The following MROH9 variants were observed in gnomAD, a reference collection of about 807,000 sequenced individuals.
The protein encoded by MROH9 is maestro heat-like repeat-containing protein family member 9.
In MROH9, 92 loss-of-function variants were observed where a neutral mutation model predicts 98.2. The ratio of observed to expected loss-of-function variants is 0.94; its 90% CI spans 0.79 to 1.11. The LOEUF (loss-of-function observed/expected upper bound fraction) is 1.11. MROH9 is among the 50% of genes most tolerant of loss of function. MROH9 has a pLI of 0.00. For synonymous variants in MROH9, 397 were observed against 368.9 expected, an observed-to-expected ratio of 1.08 and a Z score of -0.87; for missense variants, 1,057 against 1,014.8, an observed-to-expected ratio of 1.04 and a Z score of -0.57.
rs147638290 is a variant in MROH9 at position 170,980,453 on chromosome 1, G to A, written c.617-2969G>A. ...ACCAATGCAACATAACAGAGACATC[G>A]GAAATAACACCACACATCTACAACT... On this transcript the variant is annotated intron_variant, in intron 8 of 21. Coordinates refer to ENST00000367759, the MANE Select transcript of MROH9 (RefSeq NM_001163629.2). Among the ~76,000 whole-genome samples the A allele has an allele frequency of 2.6e-3, 402 of 151,962 alleles. 3 individuals carry two copies. Among genetic ancestry groups the A allele is most frequent in the African/African-American group, 9.0e-3 (373 of 41,476 alleles).
chr1:171,011,594 A>G (rs532930631), intron 15 of MROH9, among the ~76,000 whole-genome samples: 31 of 152,324 alleles, frequency 2.0e-4, no homozygotes, highest in Middle Eastern at 3.4e-3. Context: ...GGCTATTAAA[A>G]TCACCAAGAA....
Position 170,992,220 on chromosome 1 carries a change from T to G in MROH9, c.1085T>G (p.Val362Gly). Reference protein sequence around the residue: ...ACSQASVAPHVLKTILLILKG... With the variant: ...ACSQASVAPHGLKTILLILKG... ...TCTCAGGCGAGCGTGGCCCCTCACG[T>G]GCTGAAGACAATCTTATTGATACTG... The change falls in exon 12 of 22, where the codon GTG (valine) becomes GGG (glycine). Residue 362 changes from valine (V) to glycine (G), a missense_variant. Val to Gly is a moderately radical substitution (Grantham distance 109). Coordinates refer to ENST00000367759, the MANE Select transcript of MROH9 (RefSeq NM_001163629.2). 6.2e-7 allele frequency: 1 copy of G among 1,613,476 alleles called. No homozygotes were observed. Among genetic ancestry groups the G allele is most frequent in the South Asian group, 1.1e-5 (1 of 91,034 alleles).
chr1:171,013,778 C>T (rs906562527), intron 15 of MROH9, among the ~76,000 whole-genome samples: 1 of 152,024 alleles, frequency 6.6e-6, no homozygotes, highest in Non-Finnish European at 1.5e-5. Context: ...TAGACATACA[C>T]TGTGAAGAAA....
chr1:171,010,537 T>C (rs1652114855), intron 15 of MROH9, among the ~76,000 whole-genome samples: 1 of 152,170 alleles, frequency 6.6e-6, no homozygotes, highest in African/African-American at 2.4e-5. Flanking sequence ...TTGAACTAAT[T>C]TATACTCCCA....
intron 15 of MROH9, among the ~76,000 whole-genome samples, chr1:171,012,215 T>G (rs1265481930): frequency 1.3e-5 from 2 of 151,384 alleles, no homozygotes; most frequent in African/African-American, 2.4e-5. Flanking sequence ...GACTTTCTTG[T>G]TTTTTTATTT....
In MROH9 at chr1:171,025,339, A is replaced by G. The variant is rs933323024; in HGVS notation, c.2200A>G (p.Ile734Val). The G allele has an allele frequency of 3.9e-6, 6 of 1,547,174 alleles. No individual in the cohort carries two copies. In the Admixed American group the frequency reaches 5.9e-5, roughly 15 times the overall value. Reference protein sequence around the residue: ...NNLIISHRNYITDLTSDTLRF... With the variant: ...NNLIISHRNYVTDLTSDTLRF... ...TCAGATTATTTCTCATAGGAACTAC[A>G]TTACAGATTTGACATCTGATACCTT... Residue 734 changes from isoleucine to valine, a missense_variant, in exon 20 of 22, where the codon ATT becomes GTT. Coordinates refer to ENST00000367759, the MANE Select transcript of MROH9 (RefSeq NM_001163629.2).
chr1:170,986,446 A>G, intron 9 of MROH9, 115 bp from the exon 10 acceptor site: 6 of 998,666 alleles, frequency 6.0e-6, no homozygotes, highest in Non-Finnish European at 8.8e-6. Flanking sequence ...TATATGGCCC[A>G]CGGAAGACTT....
intron 16 of MROH9, 58 bp downstream of exon 16, chr1:171,014,312 A>T: frequency 6.8e-7 from 1 of 1,475,304 alleles, no homozygotes; most frequent in Non-Finnish European, 9.2e-7. Context: ...TGAGATTTTG[A>T]TGTCACTTAA....
At chr1:170,970,055 G>T (rs528476641) in intron 7 of MROH9, among the ~76,000 whole-genome samples, 1 of 152,028 alleles carries the variant, frequency 6.6e-6, no homozygotes. Context: ...GTCTAGGCAC[G>T]ACCACACATA....
chr1:171,009,991 C>A (rs537242457), intron 15 of MROH9, among the ~76,000 whole-genome samples: 1 of 152,180 alleles, frequency 6.6e-6, no homozygotes, highest in East Asian at 1.9e-4. Flanking sequence ...GGTACATGTG[C>A]AGAATGTGCA....
chr1:170,969,313 A>G (rs942751700), intron 7 of MROH9, among the ~76,000 whole-genome samples: 2 of 152,194 alleles, frequency 1.3e-5, no homozygotes, highest in African/African-American at 4.8e-5. Context: ...TAAGTGAAAG[A>G]AGCCAGGCAC....
chr1:171,000,274 AG>A (rs929618966), intron 15 of MROH9, among the ~76,000 whole-genome samples: 49 of 149,942 alleles, frequency 3.3e-4, no homozygotes, highest in Admixed American at 9.4e-4. Flanking sequence ...AATGTCTAGA[AG>A]TTTTTTTTCC....
Position 170,983,533 on chromosome 1 carries a change from A to T in MROH9, c.728A>T (p.Gln243Leu). The change falls in exon 9 of 22, where the codon CAG becomes CTG. Residue 243 changes from glutamine (Q) to leucine (L), a missense_variant and splice_region_variant. Transcript: ENST00000367759. Reference sequence around the variant, plus strand: ...CAACAAGACGAAAGTAAAATAGCTCAGGTAACTTAGCCCCCACTTTTTCCG... The same window carrying T: ...CAACAAGACGAAAGTAAAATAGCTCTGGTAACTTAGCCCCCACTTTTTCCG... ...EFQQDESKIA[Q>L]RVGQTLLPPL... The T allele has an allele frequency of 6.3e-7, 1 of 1,579,762 alleles. No individual in the cohort carries two copies. The highest frequency in any genetic ancestry group is 2.2e-5 in the East Asian group (1 of 44,560).
At position 171,026,671 on chromosome 1, in the gene MROH9, T is replaced by C. The variant is rs918225538; in HGVS notation, c.2281+1251T>C. On this transcript the variant is annotated intron_variant, in intron 20 of 21. Coordinates refer to ENST00000367759, the MANE Select transcript of MROH9 (RefSeq NM_001163629.2). ...ACCTCTGTATATAACTATTGCAAGA[T>C]TGGTAAATAAGTAATTTTAAAAAAG... 2.0e-5 allele frequency among the ~76,000 whole-genome samples: 3 copies of C among 152,240 alleles called. No individual in the cohort carries two copies. The South Asian group carries it at 6.2e-4, about 32-fold the overall frequency.
intron 20 of MROH9, among the ~76,000 whole-genome samples, chr1:171,050,618 GA>G (rs1384058864): frequency 6.6e-6 from 1 of 152,150 alleles, no homozygotes; most frequent in African/African-American, 2.4e-5. Flanking sequence ...AGTGAAGAGG[GA>G]TGATTTGACA....
intron 14 of MROH9, among the ~76,000 whole-genome samples, chr1:170,997,342 G>A (rs887712461): frequency 6.6e-6 from 1 of 152,102 alleles, no homozygotes; most frequent in Admixed American, 6.6e-5. Context: ...CCTGCAAGTT[G>A]TCACAAGTTG....
intron 20 of MROH9, among the ~76,000 whole-genome samples, chr1:171,038,763 A>G (rs1376791432): frequency 1.3e-5 from 2 of 152,188 alleles, no homozygotes; most frequent in Non-Finnish European, 2.9e-5. Flanking sequence ...AGTCATAATG[A>G]CCAGAACTGT....
intron 7 of MROH9, among the ~76,000 whole-genome samples, chr1:170,965,903 A>G (rs1650217548): frequency 6.6e-6 from 1 of 152,140 alleles, no homozygotes; most frequent in East Asian, 1.9e-4. Context: ...AGACATTTTC[A>G]TGTCAACATA....
At chr1:170,963,213 C>T (rs1460188704) in intron 6 of MROH9, among the ~76,000 whole-genome samples, 1 of 150,978 alleles carries the variant, frequency 6.6e-6, no homozygotes, top group African/African-American at 2.4e-5. Context: ...ATGTGGCCAA[C>T]AAGAATATGA....
Sources: allele counts gnomAD v4.1 joint callset (sites outside exome capture counted in the v4.1 genomes callset), GRCh38; gene constraint gnomAD v4.1.1; transcripts MANE v1.5; gene names NCBI Gene and HGNC (gene_info 2026-07-23, HGNC 2026-07-21).